The following SLC39A10 variants were observed in gnomAD, a reference collection of about 807,000 sequenced individuals.
The protein encoded by SLC39A10 is zinc transporter ZIP10.
SLC39A10 carries 13 observed loss-of-function variants against 65.1 expected under a neutral mutation model. The observed-to-expected ratio is 0.20, with a 90% CI of 0.13 to 0.32. The LOEUF is 0.32. SLC39A10 is among the 10% of genes least tolerant of loss of function. SLC39A10 has a pLI of 1.00. For synonymous variants in SLC39A10, 321 were observed against 342.2 expected, an observed-to-expected ratio of 0.94 and a Z score of 0.68; for missense variants, 831 against 1,018.4, an observed-to-expected ratio of 0.82 and a Z score of 2.50.
In SLC39A10 at chr2:195,680,643, A is replaced by G. The variant is rs202024523; in HGVS notation, c.601A>G (p.Ile201Val). The stretch of plus-strand genomic sequence containing the variant: ...CACTCACCATTTTCATAATGATTCC[A>G]TTACTCCCAGTGAGCGTGGGGAGCC... ...NNTHHFHNDSITPSERGEPSN... is the reference protein window; with the variant it reads ...NNTHHFHNDSVTPSERGEPSN... Residue 201 changes from isoleucine to valine, a missense_variant, in exon 2 of 10, where the codon ATT becomes GTT. Transcript: ENST00000359634. The G allele has an allele frequency of 1.8e-5, 29 of 1,614,112 alleles. No homozygotes were observed. Among genetic ancestry groups the G allele is most frequent in the East Asian group, 6.7e-5 (3 of 44,880 alleles).
At chr2:195,651,956 G>A (rs1689039458), upstream of SLC39A10, among the ~76,000 whole-genome samples, 1 of 152,180 alleles carries the variant, frequency 6.6e-6, no homozygotes, top group Non-Finnish European at 1.5e-5. Context: ...CCAATGGCCT[G>A]TCACACAACC....
chr2:195,679,948 G>T, intron 1 of SLC39A10, 84 bp from the exon 2 acceptor site: 5 of 1,190,742 alleles, frequency 4.2e-6, no homozygotes, highest in South Asian at 2.1e-5. Flanking sequence ...TTTTTTAGTG[G>T]ATTGGCAACT....
At chr2:195,670,671 A>G (rs1486273882) in intron 1 of SLC39A10, among the ~76,000 whole-genome samples, 1 of 152,214 alleles carries the variant, frequency 6.6e-6, no homozygotes, top group African/African-American at 2.4e-5. Context: ...AATAGTATCG[A>G]TGTCAGTTTC....
intron 3 of SLC39A10, among the ~76,000 whole-genome samples, chr2:195,704,774 G>A (rs1334039598): frequency 6.6e-6 from 1 of 151,330 alleles, no homozygotes; most frequent in East Asian, 1.9e-4. Flanking sequence ...CCCCACCCCT[G>A]CCCCTGTGTT....
intron 3 of SLC39A10, among the ~76,000 whole-genome samples, chr2:195,690,125 G>A (rs908187057): frequency 4.3e-5 from 5 of 116,484 alleles, no homozygotes; most frequent in African/African-American, 9.7e-5. Flanking sequence ...GCAGTGAGCC[G>A]ATATCACACC....
rs1306681929 is a variant in SLC39A10, at chr2:195,718,242, T to C, written c.2066-10T>C. ...CAAACCTCACTTGTTTTTTTTCTTA[T>C]CTTCCTCAGGTGCAGCTTTCAGTGC... is the stretch of plus-strand genomic sequence containing the variant. On this transcript the variant is annotated splice_polypyrimidine_tract_variant and intron_variant, in intron 7 of 9. Transcript: ENST00000359634. The C allele has an allele frequency of 1.2e-6, 2 of 1,602,872 alleles. No individual in the cohort carries two copies. Among genetic ancestry groups the C allele is most frequent in the Non-Finnish European group, 1.7e-6 (2 of 1,172,426 alleles).
At chr2:195,668,111 C>G (rs186816040) in intron 1 of SLC39A10, among the ~76,000 whole-genome samples, 14 of 152,286 alleles carry the variant, frequency 9.2e-5, no homozygotes, top group African/African-American at 3.4e-4. Context: ...TCACTATGCA[C>G]ACAGCCTCAC....
chr2:195,719,826 T>C, intron 8 of SLC39A10, among the ~76,000 whole-genome samples: 1 of 151,086 alleles, frequency 6.6e-6, no homozygotes, highest in Non-Finnish European at 1.5e-5. Context: ...GTTTTGCTCT[T>C]GTTGCCCAGG....
In SLC39A10 at chr2:195,639,328, G is replaced by A. The variant is rs577656648; in HGVS notation, c.-12+33095G>A. ...GATGTTTTTCTCATGATCAGACTGG[G>A]GTTAAGAGTTTTGAGGAGGAAGACC... On this transcript the variant is annotated intron_variant, in intron 2 of 2. Coordinates refer to the SLC39A10 transcript ENST00000458054. 1.4e-3 allele frequency among the ~76,000 whole-genome samples: 218 copies of A among 152,242 alleles called. 1 individual carries two copies. The highest frequency in any genetic ancestry group is 5.1e-3 in the African/African-American group (213 of 41,546).
chr2:195,722,120 AC>A (rs1456805435), intron 8 of SLC39A10, among the ~76,000 whole-genome samples: 1 of 152,054 alleles, frequency 6.6e-6, no homozygotes, highest in Non-Finnish European at 1.5e-5. Flanking sequence ...TGGACCAGGA[AC>A]CCCTAGTGAG....
At chr2:195,714,637 A>G (rs1253952075) in intron 6 of SLC39A10, among the ~76,000 whole-genome samples, 1 of 152,234 alleles carries the variant, frequency 6.6e-6, no homozygotes, top group African/African-American at 2.4e-5. Context: ...AGTTAAAACC[A>G]TAAAAGGGGA....
chr2:195,684,730 C>G (rs1007471776), intron 3 of SLC39A10, among the ~76,000 whole-genome samples: 1 of 151,736 alleles, frequency 6.6e-6, no homozygotes, highest in African/African-American at 2.4e-5. Context: ...TCTGGATTTT[C>G]TTGGTTATTG....
At chr2:195,661,882 AATC>A (rs992589376) in intron 1 of SLC39A10, among the ~76,000 whole-genome samples, 6 of 152,152 alleles carry the variant, frequency 3.9e-5, no homozygotes, top group Non-Finnish European at 5.9e-5. Flanking sequence ...AACCTTTTAT[AATC>A]ATGTTTTATA....
At chr2:195,719,459 C>T (rs1691940193) in intron 8 of SLC39A10, among the ~76,000 whole-genome samples, 1 of 152,144 alleles carries the variant, frequency 6.6e-6, no homozygotes, top group African/African-American at 2.4e-5. Context: ...GTGCATTGAA[C>T]ATTTCTAGAC....
chr2:195,669,641 A>G (rs1476252870), intron 1 of SLC39A10, among the ~76,000 whole-genome samples: 1 of 152,178 alleles, frequency 6.6e-6, no homozygotes, highest in Non-Finnish European at 1.5e-5. Context: ...TTTATTTAAA[A>G]TTTTTAAAAT....
At chr2:195,694,703 G>T (rs2105792204) in intron 3 of SLC39A10, among the ~76,000 whole-genome samples, 1 of 152,252 alleles carries the variant, frequency 6.6e-6, no homozygotes, top group African/African-American at 2.4e-5. Flanking sequence ...GTTTTGTTTG[G>T]CGCTCTGGTT....
rs1165562631 is a variant in SLC39A10 at position 195,734,993 on chromosome 2, G to A, written c.2448G>A (p.Leu816=). The change falls in exon 10 of 10, where the codon CTG becomes CTA. Residue 816 remains leucine, a synonymous_variant. Transcript: ENST00000359634. ...LGLLFGFAIM[L]VIALYEDKIV... is the part of the protein sequence containing the mutation. Reference sequence around the variant, plus strand: ...TGCTCTTTGGATTTGCCATTATGCTGGTGATTGCCCTCTATGAAGATAAAA... The same window carrying A: ...TGCTCTTTGGATTTGCCATTATGCTAGTGATTGCCCTCTATGAAGATAAAA... The A allele has an allele frequency of 6.2e-7, 1 of 1,613,614 alleles. No individual in the cohort carries two copies. Among genetic ancestry groups the A allele is most frequent in the Non-Finnish European group, 8.5e-7 (1 of 1,179,794 alleles).
At position 195,634,368 on chromosome 2, in the gene SLC39A10, C is replaced by G. The variant is rs139471652; in HGVS notation, c.-12+28135C>G. On this transcript the variant is annotated intron_variant, in intron 2 of 2. Coordinates refer to the SLC39A10 transcript ENST00000458054. ...GAATTTTTAGTGTTATATTCTCATCCCCTTAAGTGTTCTCATTATGTTTTT... is the reference window on the plus strand; with the variant it reads ...GAATTTTTAGTGTTATATTCTCATCGCCTTAAGTGTTCTCATTATGTTTTT... Among the ~76,000 whole-genome samples, 415 of 152,168 alleles carry G rather than the reference C, an allele frequency of 2.7e-3. 1 individual carries two copies. Among genetic ancestry groups the G allele is most frequent in the African/African-American group, 9.7e-3 (404 of 41,518 alleles).
intron 1 of SLC39A10, among the ~76,000 whole-genome samples, chr2:195,677,906 C>T (rs570799932): frequency 1.3e-3 from 205 of 152,134 alleles, no homozygotes; most frequent in African/African-American, 4.5e-3. Context: ...CATGCCACCA[C>T]GCCTGGCTAA....
Sources: allele counts gnomAD v4.1 joint callset (sites outside exome capture counted in the v4.1 genomes callset), GRCh38; gene constraint gnomAD v4.1.1; transcripts MANE v1.5; gene names NCBI Gene and HGNC (gene_info 2026-07-23, HGNC 2026-07-21).